KLHL1: variants seen among roughly 807,000 people sequenced by gnomAD.
The protein encoded by KLHL1 is kelch like family member 1, also known as kelch-like protein 1.
A neutral mutation model predicts 77.7 loss-of-function variants in KLHL1; 47 were observed. The ratio of observed to expected loss-of-function variants is 0.60; its 90% confidence interval spans 0.48 to 0.77. The LOEUF (loss-of-function observed/expected upper bound fraction) is 0.77, where lower values mean the gene tolerates loss of function less well. Ranked by LOEUF, KLHL1 falls within the 30% of genes least tolerant of loss-of-function variation. The probability of loss-of-function intolerance (pLI) is 0.00; values close to 1 mark genes in which losing one functional copy is unlikely to be tolerated. For synonymous variants in KLHL1, 360 were observed against 325.2 expected, an observed-to-expected ratio of 1.11 and a Z score of -1.15; for missense variants, 925 against 910.8, an observed-to-expected ratio of 1.02 and a Z score of -0.20.
At chr13:69,918,721 A>G (rs1386727498) in intron 4 of KLHL1, among the ~76,000 whole-genome samples, 1 of 152,036 alleles carries the variant, frequency 6.6e-6, no homozygotes, top group Non-Finnish European at 1.5e-5. Flanking sequence ...GTTGCTTTTC[A>G]CTCCTGTAAA....
In KLHL1 at chr13:70,070,680, G is replaced by A. The variant is rs924942610; in HGVS notation, c.497+36523C>T. Among the ~76,000 whole-genome samples, 6 of 151,898 alleles carry A rather than the reference G, an allele frequency of 4.0e-5. 1 individual carries two copies. Among genetic ancestry groups the A allele is most frequent in the South Asian group, 4.2e-4 (2 of 4,812 alleles). ...GCCTACATATAGAAAGGAAGAATGCGGGAGAAGAAATAAAAGTTAAATAAA... is the reference window on the plus strand; with the variant it reads ...GCCTACATATAGAAAGGAAGAATGCAGGAGAAGAAATAAAAGTTAAATAAA... On this transcript the variant is annotated intron_variant, in intron 1 of 10. Coordinates refer to ENST00000377844, the MANE Select transcript of KLHL1 (RefSeq NM_020866.3).
chr13:69,790,337 T>G (rs2138026035), intron 7 of KLHL1, among the ~76,000 whole-genome samples: 1 of 152,250 alleles, frequency 6.6e-6, no homozygotes, highest in Non-Finnish European at 1.5e-5. Context: ...AACAGTGAGG[T>G]TTAAATATGC....
chr13:69,990,641 C>A (rs1885006044), intron 1 of KLHL1, among the ~76,000 whole-genome samples: 1 of 151,918 alleles, frequency 6.6e-6, no homozygotes, highest in South Asian at 2.1e-4. Flanking sequence ...TCTATATGCA[C>A]CCAACACAGG....
chr13:69,904,529 T>C (rs371918588), intron 4 of KLHL1, among the ~76,000 whole-genome samples: 11 of 152,156 alleles, frequency 7.2e-5, no homozygotes, highest in African/African-American at 2.4e-4. Context: ...TTATTCCCAT[T>C]AGCCCTGGTA....
At chr13:69,959,085 A>T (rs1349952802) in intron 3 of KLHL1, among the ~76,000 whole-genome samples, 2 of 152,208 alleles carry the variant, frequency 1.3e-5, no homozygotes, top group African/African-American at 4.8e-5. Flanking sequence ...AATTTAAGGT[A>T]TTGGAGCACA....
At chr13:70,076,553 G>A (rs763129770) in intron 1 of KLHL1, among the ~76,000 whole-genome samples, 10 of 151,396 alleles carry the variant, frequency 6.6e-5, no homozygotes, top group Middle Eastern at 3.4e-3. Flanking sequence ...ACATGACCTC[G>A]GGTTTGACAA....
chr13:70,026,392 G>A (rs1433065270), intron 1 of KLHL1, among the ~76,000 whole-genome samples: 1 of 151,904 alleles, frequency 6.6e-6, no homozygotes, highest in Non-Finnish European at 1.5e-5. Flanking sequence ...ACAATTTTTA[G>A]CAATTTAGTT....
intron 6 of KLHL1, among the ~76,000 whole-genome samples, chr13:69,828,597 T>C (rs1429350110): frequency 3.3e-5 from 5 of 149,822 alleles, no homozygotes; most frequent in Admixed American, 3.3e-4. Flanking sequence ...CTAAAGCAAG[T>C]GGGGAGGGGT....
intron 1 of KLHL1, among the ~76,000 whole-genome samples, chr13:70,045,789 G>A (rs1448852784): frequency 6.6e-6 from 1 of 152,096 alleles, no homozygotes; most frequent in Admixed American, 6.6e-5. Context: ...ATTCTTTGAA[G>A]TATAGGGATG....
chr13:69,798,620 ATATAT>A (rs1877237281), intron 6 of KLHL1, among the ~76,000 whole-genome samples: 1 of 151,916 alleles, frequency 6.6e-6, no homozygotes. Context: ...TTATATTTTA[ATATAT>A]TTATTATATT....
chr13:69,771,423 A>G (rs985291597), intron 7 of KLHL1, among the ~76,000 whole-genome samples: 1 of 152,142 alleles, frequency 6.6e-6, no homozygotes, highest in Non-Finnish European at 1.5e-5. Context: ...CTCATTTTAA[A>G]TTTTTTAGAG....
chr13:69,809,718 T>G (rs1877780283), intron 6 of KLHL1, among the ~76,000 whole-genome samples: 1 of 151,528 alleles, frequency 6.6e-6, no homozygotes, highest in Non-Finnish European at 1.5e-5. Context: ...ATATAAACAG[T>G]CTAAACACTC....
intron 7 of KLHL1, among the ~76,000 whole-genome samples, chr13:69,785,361 C>A (rs1406191892): frequency 1.3e-5 from 2 of 152,150 alleles, no homozygotes; most frequent in Non-Finnish European, 2.9e-5. Context: ...TCACTCAAAA[C>A]CACTCAACTA....
intron 1 of KLHL1, among the ~76,000 whole-genome samples, chr13:69,999,283 A>C (rs1331505805): frequency 2.0e-5 from 3 of 152,016 alleles, no homozygotes; most frequent in Non-Finnish European, 2.9e-5. Context: ...GGCTTAAATG[A>C]GAGCATGATT....
chr13:69,901,481 T>C (rs1432284620), intron 4 of KLHL1, among the ~76,000 whole-genome samples: 1 of 152,160 alleles, frequency 6.6e-6, no homozygotes. Context: ...ATGATATGCT[T>C]GGGTGACAAT....
chr13:70,067,140 T>C (rs1184148803), intron 1 of KLHL1, among the ~76,000 whole-genome samples: 2 of 152,194 alleles, frequency 1.3e-5, no homozygotes, highest in Non-Finnish European at 2.9e-5. Flanking sequence ...ATCCAGTTAC[T>C]GAACAAGTAT....
intron 1 of KLHL1, among the ~76,000 whole-genome samples, chr13:70,099,702 A>C (rs1459597572): frequency 6.6e-6 from 1 of 152,044 alleles, no homozygotes; most frequent in African/African-American, 2.4e-5. Context: ...TTGTCCCATA[A>C]TAACATTTTT....
chr13:69,975,857 G>C (rs1226448311), intron 1 of KLHL1, 55 bp from the exon 2 acceptor site: 1 of 1,471,710 alleles, frequency 6.8e-7, no homozygotes, highest in African/African-American at 1.5e-5. Context: ...GATTTATAAA[G>C]AGCCAATTAT....
At chr13:69,998,382 T>C (rs193003338) in intron 1 of KLHL1, among the ~76,000 whole-genome samples, 2 of 152,006 alleles carry the variant, frequency 1.3e-5, no homozygotes, top group East Asian at 1.9e-4. Context: ...ACAATTATAC[T>C]TCAACTTCCA....
Sources: allele counts gnomAD v4.1 joint callset (sites outside exome capture counted in the v4.1 genomes callset), GRCh38; gene constraint gnomAD v4.1.1; transcripts MANE v1.5; gene names NCBI Gene and HGNC (gene_info 2026-07-23, HGNC 2026-07-21).